NAA35: variants seen among roughly 807,000 people sequenced by gnomAD.
The protein encoded by NAA35 is MAK10 homolog, amino-acid N-acetyltransferase subunit.
A neutral mutation model predicts 101.7 loss-of-function variants in NAA35; 18 were observed. That is an observed-to-expected ratio of 0.18 (90% CI 0.12 to 0.26). The LOEUF (loss-of-function observed/expected upper bound fraction) is 0.26. Among genes scored for constraint, NAA35 ranks in the 10% least tolerant of loss-of-function variants. The probability of loss-of-function intolerance (pLI) is 1.00; values close to 1 mark genes in which losing one functional copy is unlikely to be tolerated. For synonymous variants in NAA35, 267 were observed against 273.1 expected (o/e 0.98, Z 0.22); for missense variants, 601 against 886.8 (o/e 0.68, Z 4.09).
At position 85,978,365 on chromosome 9, in the gene NAA35, T is replaced by C; in HGVS notation, c.861T>C (p.Asn287=). The C allele has an allele frequency of 4.4e-6, 7 of 1,604,902 alleles. No homozygotes were observed. The highest frequency in any genetic ancestry group is 5.1e-6 in the Non-Finnish European group (6 of 1,171,814). ...NSLHHGIQAQ[N]DTTKGDHPIM... ...TGCATCATGGCATCCAGGCCCAGAA[T>C]GATACTACAAAAGGAGGTAATTGTT... The change falls in exon 11 of 23, where the codon AAT becomes AAC. Residue 287 remains asparagine (N), a synonymous_variant. Transcript: ENST00000361671.
chr9:86,003,205 A>G (rs569821305), intron 12 of NAA35, among the ~76,000 whole-genome samples: 39 of 152,292 alleles, frequency 2.6e-4, no homozygotes, highest in Non-Finnish European at 4.3e-4. Context: ...GTCTTTCCCT[A>G]TAGTCAGCAA....
chr9:86,011,152 T>C (rs1049056463), intron 15 of NAA35, among the ~76,000 whole-genome samples: 7 of 150,496 alleles, frequency 4.7e-5, no homozygotes, highest in Non-Finnish European at 8.9e-5. Flanking sequence ...TGGGGCAGAA[T>C]TGCTTGAACC....
intron 15 of NAA35, among the ~76,000 whole-genome samples, chr9:86,010,740 ATT>A (rs958838218): frequency 7.0e-6 from 1 of 143,232 alleles, no homozygotes. Context: ...TGCCTGGCTA[ATT>A]TTTTTTTTTG....
chr9:85,945,720 C>T (rs547422015), intron 2 of NAA35, among the ~76,000 whole-genome samples: 21 of 152,094 alleles, frequency 1.4e-4, no homozygotes, highest in African/African-American at 3.9e-4. Context: ...GGGGTTTCAC[C>T]GTGTTAGTCA....
At chr9:85,959,020 G>A (rs1829393413) in intron 4 of NAA35, among the ~76,000 whole-genome samples, 1 of 152,086 alleles carries the variant, frequency 6.6e-6, no homozygotes, top group South Asian at 2.1e-4. Flanking sequence ...TAGGCAAATG[G>A]ATATCGTAAA....
chr9:86,010,116 C>T lies in NAA35; in HGVS notation c.1290+185C>T, dbSNP rs117987100. On this transcript the variant is annotated intron_variant, in intron 15 of 22. Coordinates refer to ENST00000361671, the MANE Select transcript of NAA35 (RefSeq NM_024635.4). ...AAATACAAAAATCAGCGTATGGTGG[C>T]GCACGCCTGTAGTGCCAGCTACTCA... 4.0e-3 allele frequency among the ~76,000 whole-genome samples: 605 copies of T among 152,128 alleles called. 19 individuals carry two copies. In the East Asian group the frequency reaches 0.076, roughly 19 times the overall value.
intron 11 of NAA35, among the ~76,000 whole-genome samples, chr9:85,980,196 T>A (rs1021463436): frequency 3.5e-4 from 54 of 152,144 alleles, no homozygotes; most frequent in Non-Finnish European, 8.8e-5. Flanking sequence ...GGGTGTACTA[T>A]CTCCTAGGAA....
intron 6 of NAA35, among the ~76,000 whole-genome samples, chr9:85,967,250 T>C (rs1335605628): frequency 6.6e-6 from 1 of 152,156 alleles, no homozygotes; most frequent in Non-Finnish European, 1.5e-5. Flanking sequence ...ATTATGTATA[T>C]TGAGTATGTA....
chr9:85,996,675 A>T, intron 12 of NAA35, 98 bp downstream of exon 12: 1 of 864,290 alleles, frequency 1.2e-6, no homozygotes, highest in Middle Eastern at 3.7e-4. Context: ...GTTTAACAAC[A>T]GAATAATTGA....
chr9:85,975,036 A>G lies in NAA35; in HGVS notation c.583+3A>G. On this transcript the variant is annotated splice_donor_region_variant and intron_variant, in intron 7 of 22. Coordinates refer to ENST00000361671, the MANE Select transcript of NAA35 (RefSeq NM_024635.4). ...TGTGACAGATCTTCGAGTTACAGGT[A>G]AAATTATTTTTAAAGTTAATTCACA... 2 of 1,612,576 alleles carry G rather than the reference A, an allele frequency of 1.2e-6. No homozygotes were observed. The highest frequency in any genetic ancestry group is 1.3e-5 in the African/African-American group (1 of 74,992).
At chr9:85,998,802 G>A (rs1831288103) in intron 12 of NAA35, among the ~76,000 whole-genome samples, 1 of 152,194 alleles carries the variant, frequency 6.6e-6, no homozygotes, top group African/African-American at 2.4e-5. Context: ...AGGCATTTGA[G>A]TGTTGTTACC....
intron 2 of NAA35, among the ~76,000 whole-genome samples, chr9:85,949,370 C>G (rs541280914): frequency 1.3e-5 from 2 of 151,666 alleles, no homozygotes; most frequent in South Asian, 4.2e-4. Context: ...TCTCGGCTCA[C>G]CGCAACCTCC....
In NAA35 at chr9:85,948,983, A is replaced by G. The variant is rs373398010; in HGVS notation, c.124+6700A>G. ...TGTTGGCCAGCCAGGTCTCGAACTCATGACCTCGGGTGATCCACCCGCCTC... is the reference window on the plus strand; with the variant it reads ...TGTTGGCCAGCCAGGTCTCGAACTCGTGACCTCGGGTGATCCACCCGCCTC... On this transcript the variant is annotated intron_variant, in intron 2 of 22. Coordinates refer to ENST00000361671, the MANE Select transcript of NAA35 (RefSeq NM_024635.4). Among the ~76,000 whole-genome samples the G allele has an allele frequency of 2.2e-3, 335 of 152,018 alleles. 1 individual carries two copies. Among genetic ancestry groups the G allele is most frequent in the African/African-American group, 7.7e-3 (318 of 41,466 alleles).
chr9:85,953,403 C>T (rs1321066057), intron 2 of NAA35, among the ~76,000 whole-genome samples: 1 of 152,030 alleles, frequency 6.6e-6, no homozygotes, highest in African/African-American at 2.4e-5. Flanking sequence ...TCCCCATTCT[C>T]TGGCAACCAG....
chr9:85,973,386 G>T (rs575708265), intron 6 of NAA35, among the ~76,000 whole-genome samples: 21 of 152,274 alleles, frequency 1.4e-4, no homozygotes, highest in African/African-American at 5.1e-4. Context: ...TTATAGCAGG[G>T]ACTAGTGTGG....
chr9:86,013,197 C>A (rs935534915), intron 16 of NAA35, 53 bp downstream of exon 16: 17 of 1,123,858 alleles, frequency 1.5e-5, no homozygotes, highest in Non-Finnish European at 2.1e-5. Context: ...CACACTTTGT[C>A]CAGATTTTTA....
chr9:85,967,058 G>C (rs538440326), intron 6 of NAA35, among the ~76,000 whole-genome samples: 16 of 152,314 alleles, frequency 1.1e-4, no homozygotes, highest in Non-Finnish European at 1.5e-4. Context: ...AGAATCGCTT[G>C]AACTCAGGAG....
chr9:85,983,854 A>G (rs1490025809), intron 11 of NAA35, among the ~76,000 whole-genome samples: 1 of 152,150 alleles, frequency 6.6e-6, no homozygotes, highest in Non-Finnish European at 1.5e-5. Context: ...TTAGAATACA[A>G]AGTTGCAGAA....
chr9:85,986,080 C>A (rs898893530), intron 11 of NAA35, among the ~76,000 whole-genome samples: 2 of 152,098 alleles, frequency 1.3e-5, no homozygotes, highest in Admixed American at 1.3e-4. Flanking sequence ...TGGACAAGTC[C>A]AGATTGGAGG....
Sources: allele counts gnomAD v4.1 joint callset (sites outside exome capture counted in the v4.1 genomes callset), GRCh38; gene constraint gnomAD v4.1.1; transcripts MANE v1.5; gene names NCBI Gene and HGNC (gene_info 2026-07-23, HGNC 2026-07-21).